Variants in ARHGAP24 observed in about 807,000 individuals in gnomAD.
ARHGAP24 encodes the protein rho GTPase-activating protein 24.
In ARHGAP24, 50 loss-of-function variants were observed where a neutral mutation model predicts 76.4. The ratio of observed to expected loss-of-function variants is 0.65; its 90% CI spans 0.52 to 0.83. ARHGAP24 has a LOEUF of 0.83. Ranked by LOEUF, ARHGAP24 falls within the 40% of genes least tolerant of loss-of-function variation. ARHGAP24 has a pLI of 0.00. For synonymous variants in ARHGAP24, 345 were observed against 323.3 expected, an observed-to-expected ratio of 1.07 and a Z score of -0.72; for missense variants, 930 against 914.2, an observed-to-expected ratio of 1.02 and a Z score of -0.22.
At chr4:85,683,107 T>TG (rs1310671945) in intron 2 of ARHGAP24, among the ~76,000 whole-genome samples, 60 of 12,828 alleles carry the variant, frequency 4.7e-3, no homozygotes, top group Middle Eastern at 0.062. Context: ...TCTCTCAGTG[T>TG]GTGGGGGGGT....
At chr4:85,949,597 A>C (rs377641473) in intron 5 of ARHGAP24, among the ~76,000 whole-genome samples, 11 of 152,070 alleles carry the variant, frequency 7.2e-5, no homozygotes, top group African/African-American at 2.7e-4. Context: ...AACTCTTTAC[A>C]CCGTGGCTCA....
chr4:85,914,587 T>C (rs1381390448), intron 3 of ARHGAP24, among the ~76,000 whole-genome samples: 1 of 152,240 alleles, frequency 6.6e-6, no homozygotes, highest in Admixed American at 6.5e-5. Flanking sequence ...TTCACATTTC[T>C]TCCCCTATGT....
At chr4:85,486,358 A>G (rs1285192944) in intron 1 of ARHGAP24, among the ~76,000 whole-genome samples, 1 of 152,162 alleles carries the variant, frequency 6.6e-6, no homozygotes, top group African/African-American at 2.4e-5. Flanking sequence ...ATGTCCTGCA[A>G]TATGTGTATG....
chr4:85,607,351 A>G (rs962276462), intron 2 of ARHGAP24, among the ~76,000 whole-genome samples: 14 of 151,736 alleles, frequency 9.2e-5, no homozygotes, highest in Non-Finnish European at 2.9e-5. Context: ...AAAGAAAGAA[A>G]GAGAGAGAGA....
At chr4:85,480,782 T>C (rs555623540) in intron 1 of ARHGAP24, among the ~76,000 whole-genome samples, 1 of 152,146 alleles carries the variant, frequency 6.6e-6, no homozygotes, top group Non-Finnish European at 1.5e-5. Flanking sequence ...TGAAAGTAGA[T>C]ACTAAGGCCA....
intron 2 of ARHGAP24, among the ~76,000 whole-genome samples, chr4:85,618,014 TCTC>T (rs1188044410): frequency 2.6e-5 from 4 of 152,268 alleles, no homozygotes; most frequent in South Asian, 2.1e-4. Flanking sequence ...ACATTTAAGA[TCTC>T]CTCTCTGCAA....
In ARHGAP24 at chr4:85,761,125, G is replaced by A. The variant is rs542398938; in HGVS notation, c.268+39153G>A. Among the ~76,000 whole-genome samples, 29 of 152,278 alleles carry A rather than the reference G, an allele frequency of 1.9e-4. 1 individual carries two copies. The highest frequency in any genetic ancestry group is 6.7e-4 in the African/African-American group (28 of 41,558). Reference sequence around the variant, plus strand: ...AGGAGGGAGACGTTCTCAATCTTTTGTGGTGGTGCATCAGCCACAATTACC... The same window carrying A: ...AGGAGGGAGACGTTCTCAATCTTTTATGGTGGTGCATCAGCCACAATTACC... On this transcript the variant is annotated intron_variant, in intron 3 of 9. Transcript: ENST00000395184.
chr4:85,992,053 G>A, intron 8 of ARHGAP24: 1 of 396,632 alleles, frequency 2.5e-6, no homozygotes, highest in Non-Finnish European at 4.5e-6. Context: ...AAGAATTGCT[G>A]GATCGTGTAG....
chr4:85,838,430 T>C (rs1357735044), intron 3 of ARHGAP24, among the ~76,000 whole-genome samples: 1 of 152,162 alleles, frequency 6.6e-6, no homozygotes, highest in African/African-American at 2.4e-5. Context: ...ACCCCATCTC[T>C]ACTAAAAATA....
chr4:85,883,455 A>G (rs968251225), intron 3 of ARHGAP24, among the ~76,000 whole-genome samples: 2 of 152,168 alleles, frequency 1.3e-5, no homozygotes, highest in Non-Finnish European at 2.9e-5. Context: ...TGTTCCAACT[A>G]GTAGGAATGC....
At chr4:85,803,694 C>A (rs1454157106) in intron 3 of ARHGAP24, among the ~76,000 whole-genome samples, 2 of 152,196 alleles carry the variant, frequency 1.3e-5, no homozygotes, top group African/African-American at 2.4e-5. Flanking sequence ...GCAGTTCACA[C>A]CTTCTTTTCC....
At chr4:85,846,612 C>A (rs1730903066) in intron 3 of ARHGAP24, among the ~76,000 whole-genome samples, 1 of 152,186 alleles carries the variant, frequency 6.6e-6, no homozygotes, top group East Asian at 1.9e-4. Flanking sequence ...GGGTCATTCT[C>A]AGACATCGCA....
At chr4:85,775,720 A>AT (rs1727287573) in intron 3 of ARHGAP24, among the ~76,000 whole-genome samples, 1 of 152,046 alleles carries the variant, frequency 6.6e-6, no homozygotes, top group African/African-American at 2.4e-5. Context: ...CATGTAGTAC[A>AT]TAGGAGGCCA....
intron 3 of ARHGAP24, chr4:85,828,086 CTG>C (rs912626587): frequency 2.5e-6 from 2 of 791,968 alleles, no homozygotes; most frequent in African/African-American, 3.6e-5. Flanking sequence ...AGGACCTAGA[CTG>C]TGTGCGGTTT....
At chr4:85,540,774 A>G (rs1315140490) in intron 1 of ARHGAP24, among the ~76,000 whole-genome samples, 1 of 152,224 alleles carries the variant, frequency 6.6e-6, no homozygotes, top group Non-Finnish European at 1.5e-5. Context: ...GAATGAAAAT[A>G]TATAATTATT....
chr4:85,854,861 C>T (rs571892377), intron 3 of ARHGAP24, among the ~76,000 whole-genome samples: 53 of 152,290 alleles, frequency 3.5e-4, no homozygotes, highest in African/African-American at 1.3e-3. Context: ...GGCAGAATTT[C>T]CAAAGGAAAG....
chr4:85,526,777 G>A (rs945407501), intron 1 of ARHGAP24, among the ~76,000 whole-genome samples: 1 of 152,048 alleles, frequency 6.6e-6, no homozygotes, highest in African/African-American at 2.4e-5. Context: ...ATGAATTTAT[G>A]AATCTCTTGT....
chr4:85,976,527 AAT>A (rs968503009), intron 7 of ARHGAP24, among the ~76,000 whole-genome samples: 4 of 152,152 alleles, frequency 2.6e-5, no homozygotes, highest in African/African-American at 4.8e-5. Flanking sequence ...GTACTATATA[AAT>A]ATGTTATTTT....
chr4:85,509,866 C>T (rs1197535120), intron 1 of ARHGAP24, among the ~76,000 whole-genome samples: 1 of 151,844 alleles, frequency 6.6e-6, no homozygotes, highest in Non-Finnish European at 1.5e-5. Flanking sequence ...TTTAAAATGC[C>T]CCTTTTGTAT....
Sources: allele counts gnomAD v4.1 joint callset (sites outside exome capture counted in the v4.1 genomes callset), GRCh38; gene constraint gnomAD v4.1.1; transcripts MANE v1.5; gene names NCBI Gene and HGNC (gene_info 2026-07-23, HGNC 2026-07-21).